Variants in HUWE1 observed in about 807,000 individuals in gnomAD.
The protein encoded by HUWE1 is HECT, UBA and WWE domain containing E3 ubiquitin protein ligase 1.
A neutral mutation model predicts 299.4 loss-of-function variants in HUWE1; 18 were observed. The ratio of observed to expected loss-of-function variants is 0.06; its 90% CI spans 0.04 to 0.09. The LOEUF (loss-of-function observed/expected upper bound fraction) is 0.09, where lower values mean the gene tolerates loss of function less well. HUWE1 is among the 10% of genes least tolerant of loss of function. The pLI is 1.00. For synonymous variants in HUWE1, 1,317 were observed against 1,286.1 expected (o/e 1.02, Z -0.51); for missense variants, 1,832 against 3,462.3 (o/e 0.53, Z 11.82).
chrX:53,645,712 CAAA>C (rs1557035139), intron 6 of HUWE1, among the ~76,000 whole-genome samples: 1 of 13,390 alleles, frequency 7.5e-5, no homozygotes, highest in Non-Finnish European at 1.2e-4. Context: ...GACTCTGTCT[CAAA>C]AAAAGAAAAA....
intron 22 of HUWE1, among the ~76,000 whole-genome samples, 192 bp downstream of exon 22, chrX:53,615,552 T>C (rs1291963856): frequency 8.9e-6 from 1 of 112,071 alleles, no homozygotes; most frequent in Non-Finnish European, 1.9e-5. Flanking sequence ...CAGAGACTTC[T>C]TTCTAAGATG....
At chrX:53,640,841 C>T (rs1557030405) in intron 7 of HUWE1, among the ~76,000 whole-genome samples, 1 of 112,330 alleles carries the variant, frequency 8.9e-6, no homozygotes, top group Non-Finnish European at 1.9e-5. Context: ...ATGTGAGCCA[C>T]TTATACCAAA....
intron 29 of HUWE1, among the ~76,000 whole-genome samples, chrX:53,598,067 A>G (rs1471645062): frequency 2.7e-5 from 3 of 111,945 alleles, no homozygotes; most frequent in Non-Finnish European, 5.6e-5. Flanking sequence ...AATCTCAGTG[A>G]AATTCAAGAG....
intron 23 of HUWE1, among the ~76,000 whole-genome samples, chrX:53,610,668 G>A (rs782041267): frequency 3.6e-5 from 4 of 111,729 alleles, no homozygotes; most frequent in African/African-American, 9.8e-5. Context: ...ATGGGGGGAT[G>A]GTCAGGTGCT....
chrX:53,545,573 C>G (rs111876885), intron 70 of HUWE1, among the ~76,000 whole-genome samples: 1,670 of 111,786 alleles, frequency 0.015, 35 homozygotes, highest in African/African-American at 0.052. Flanking sequence ...AACCTCATAA[C>G]GTTGCTGTGA....
rs782020267 is a variant in HUWE1, at chrX:53,599,742, T to C, written c.3163+376A>G. Among the ~76,000 whole-genome samples, 51 of 112,062 alleles carry C rather than the reference T, an allele frequency of 4.6e-4. 1 individual carries two copies. The South Asian group carries it at 0.015, about 34-fold the overall frequency. On this transcript the variant is annotated intron_variant, in intron 29 of 83. Coordinates refer to ENST00000262854, the MANE Select transcript of HUWE1 (RefSeq NM_031407.7). ...AAGGAAGAATATTTCTAGATGGAGA[T>C]GGTGGGTCAACTACCATGCTGCAGA...
chrX:53,532,604 T>G lies in HUWE1; in HGVS notation c.*705A>C, dbSNP rs1556907242. The G allele has an allele frequency of 1.8e-5, 2 of 109,358 alleles. No individual in the cohort carries two copies. The highest frequency in any genetic ancestry group is 3.8e-5 in the Non-Finnish European group (2 of 52,639). The allele number at this position is 109,358 out of a possible 1,213,427, so 9.0% of individuals were successfully genotyped here. A position where few individuals can be genotyped will look rare whatever the true frequency, so the allele number is the denominator to read the frequency against. On this transcript the variant is annotated 3_prime_UTR_variant, in exon 84 of 84. Coordinates refer to ENST00000262854, the MANE Select transcript of HUWE1 (RefSeq NM_031407.7). Reference sequence around the variant, plus strand: ...CCACCCCCAATTCCTGGTGAACTGCTCATCTCTCCTGACTGCAGAAACTGA... The same window carrying G: ...CCACCCCCAATTCCTGGTGAACTGCGCATCTCTCCTGACTGCAGAAACTGA...
intron 55 of HUWE1, among the ~76,000 whole-genome samples, chrX:53,560,867 C>G (rs1490672040): frequency 8.9e-6 from 1 of 111,751 alleles, no homozygotes. Flanking sequence ...AGTTATGATT[C>G]CTAATAAACC....
At chrX:53,598,153 G>A (rs1375248075) in intron 29 of HUWE1, among the ~76,000 whole-genome samples, 1 of 111,805 alleles carries the variant, frequency 8.9e-6, no homozygotes, top group East Asian at 2.8e-4. Flanking sequence ...GATACCAGAT[G>A]ATGAGGAAGA....
rs782268183 is a variant in HUWE1, at chrX:53,535,505, G to A, written c.12532-4C>T. ...CACAAACTCCAAACTCTTGGACCTA[G>A]AACAACCAAAACACCAATCATACAT... On this transcript the variant is annotated splice_polypyrimidine_tract_variant and splice_region_variant and intron_variant, in intron 80 of 83. Transcript: ENST00000262854. 6.2e-6 allele frequency: 7 copies of A among 1,135,875 alleles called. No homozygotes were observed. Among genetic ancestry groups the A allele is most frequent in the Non-Finnish European group, 8.5e-6 (7 of 827,434 alleles). The allele number at this position is 1,135,875 out of a possible 1,213,427, so 93.6% of individuals were successfully genotyped here.
chrX:53,655,017 G>A (rs1385351222), intron 3 of HUWE1, among the ~76,000 whole-genome samples: 1 of 111,314 alleles, frequency 9.0e-6, no homozygotes, highest in Non-Finnish European at 1.9e-5. Context: ...TAATTTGGAA[G>A]GCTCAAAAGC....
chrX:53,568,619 C>T lies in HUWE1; in HGVS notation c.6707+73G>A, dbSNP rs1397294112. 3 of 1,032,817 alleles carry T rather than the reference C, an allele frequency of 2.9e-6. No homozygotes were observed. In the African/African-American group the frequency reaches 5.6e-5, roughly 19 times the overall value. 85.1% of individuals were successfully genotyped at this position (1,032,817 alleles called of 1,213,427 possible). A position where few individuals can be genotyped will look rare whatever the true frequency, so the allele number is the denominator to read the frequency against. On this transcript the variant is annotated intron_variant, in intron 49 of 83. Transcript: ENST00000262854. ...TTGTACCCAAAGTTTTCCCACTACA[C>T]CAGCTACCTCCACATCATTCGTGTA...
intron 3 of HUWE1, among the ~76,000 whole-genome samples, chrX:53,671,888 A>G (rs2069564973): frequency 9.1e-6 from 1 of 110,408 alleles, no homozygotes. Context: ...TAACAATACC[A>G]TTTCTATACT....
intron 47 of HUWE1, among the ~76,000 whole-genome samples, chrX:53,571,733 G>GA (rs1163464871): frequency 1.8e-5 from 2 of 111,705 alleles, no homozygotes; most frequent in Admixed American, 9.5e-5. Context: ...ATAAAGACAT[G>GA]AAAAAAATGG....
chrX:53,684,389 C>G (rs782456300), intron 2 of HUWE1, among the ~76,000 whole-genome samples: 5 of 112,109 alleles, frequency 4.5e-5, no homozygotes, highest in Admixed American at 3.7e-4. Flanking sequence ...GGAACCCTCC[C>G]GTCCTGCAGG....
At chrX:53,574,043 T>G in intron 46 of HUWE1, 79 bp from the exon 47 acceptor site, 1 of 869,948 alleles carries the variant, frequency 1.1e-6, no homozygotes, top group East Asian at 3.1e-5. Flanking sequence ...AAAAGAATGC[T>G]ATTTCTCCTC....
Position 53,627,660 on chromosome X carries a change from C to T in HUWE1, c.1383+79G>A, listed in dbSNP as rs782196914. The T allele has an allele frequency of 5.1e-4, 510 of 1,002,697 alleles. 1 individual carries two copies. The highest frequency in any genetic ancestry group is 7.0e-4 in the Non-Finnish European group (499 of 712,392). The allele number at this position is 1,002,697 out of a possible 1,213,427, so 82.6% of individuals were successfully genotyped here. Reference sequence around the variant, plus strand: ...AAACAGAAGAGACTGTAAGATCGCTCTTTAGGGTTATCAGGACAATCCTTA... The same window carrying T: ...AAACAGAAGAGACTGTAAGATCGCTTTTTAGGGTTATCAGGACAATCCTTA... On this transcript the variant is annotated intron_variant, in intron 16 of 83. Transcript: ENST00000262854.
chrX:53,546,672 A>G (rs374261185), intron 69 of HUWE1, 32 bp downstream of exon 69: 1 of 1,209,333 alleles, frequency 8.3e-7, no homozygotes, highest in African/African-American at 1.8e-5. Context: ...TTTCTCCCCA[A>G]GTCTTAGCAG....
At chrX:53,615,959 T>A in intron 21 of HUWE1, 124 bp from the exon 22 acceptor site, 1 of 533,840 alleles carries the variant, frequency 1.9e-6, no homozygotes, top group Non-Finnish European at 3.2e-6. Flanking sequence ...TTCTTTCCTT[T>A]AAAGACTTTA....
Sources: allele counts gnomAD v4.1 joint callset (sites outside exome capture counted in the v4.1 genomes callset), GRCh38; gene constraint gnomAD v4.1.1; transcripts MANE v1.5; gene names NCBI Gene and HGNC (gene_info 2026-07-23, HGNC 2026-07-21).